Variants in SLC2A13 observed in about 807,000 individuals in gnomAD.
The protein encoded by SLC2A13 is proton myo-inositol cotransporter.
In SLC2A13, 32 loss-of-function variants were observed where a neutral mutation model predicts 64.4. The observed-to-expected ratio is 0.50, with a 90% confidence interval of 0.37 to 0.67. The LOEUF (loss-of-function observed/expected upper bound fraction) is 0.67, where lower values mean the gene tolerates loss of function less well. Ranked by LOEUF, SLC2A13 falls within the 30% of genes least tolerant of loss-of-function variation. SLC2A13 has a pLI of 0.00. For missense variants in SLC2A13, 743 were observed against 829.2 expected (o/e 0.90, Z 1.28); for synonymous variants, 338 against 327.1 (o/e 1.03, Z -0.36).
At chr12:39,987,634 T>C (rs1468944212) in intron 3 of SLC2A13, among the ~76,000 whole-genome samples, 2 of 152,216 alleles carry the variant, frequency 1.3e-5, no homozygotes, top group African/African-American at 4.8e-5. Flanking sequence ...CACTGTTTTT[T>C]CTTAAAACCA....
At position 39,929,465 on chromosome 12, in the gene SLC2A13, C is replaced by A. The variant is rs545570302; in HGVS notation, c.1034+21792G>T. Among the ~76,000 whole-genome samples the A allele has an allele frequency of 6.5e-4, 99 of 151,612 alleles. 1 individual carries two copies. Among genetic ancestry groups the A allele is most frequent in the African/African-American group, 1.7e-3 (72 of 41,330 alleles). ...ACTCAGGAGGCTGAGGCAGGAGAAT[C>A]GCTTGAACCCGGGAGGCAGAGGTTG... On this transcript the variant is annotated intron_variant, in intron 4 of 9. Coordinates refer to ENST00000280871, the MANE Select transcript of SLC2A13 (RefSeq NM_052885.4).
chr12:39,758,085 A>G lies in SLC2A13; in HGVS notation c.*1941T>C, dbSNP rs1940015630. On this transcript the variant is annotated 3_prime_UTR_variant, in exon 10 of 10. Coordinates refer to ENST00000280871, the MANE Select transcript of SLC2A13 (RefSeq NM_052885.4). ...GAATAATAATTTTCCCTATTAAATC[A>G]TATCTGCTTTTCTGAGGAAAAAATC... The G allele has an allele frequency of 1.3e-5, 2 of 151,608 alleles. No homozygotes were observed. Among genetic ancestry groups the G allele is most frequent in the South Asian group, 4.1e-4 (2 of 4,830 alleles). The allele number at this position is 151,608 out of a possible 1,614,324, so 9.4% of individuals were successfully genotyped here.
At chr12:40,050,451 A>G (rs1002730351) in intron 1 of SLC2A13, among the ~76,000 whole-genome samples, 2 of 152,208 alleles carry the variant, frequency 1.3e-5, no homozygotes, top group Non-Finnish European at 2.9e-5. Context: ...AGTAATACGT[A>G]CTGACAAAGG....
chr12:40,011,364 T>C (rs1169782119), intron 3 of SLC2A13, among the ~76,000 whole-genome samples: 3 of 152,196 alleles, frequency 2.0e-5, no homozygotes, highest in Non-Finnish European at 4.4e-5. Context: ...TCCTCCTGAC[T>C]GAGAACAAGT....
intron 1 of SLC2A13, among the ~76,000 whole-genome samples, chr12:40,049,353 C>T (rs191094273): frequency 2.0e-4 from 31 of 152,020 alleles, no homozygotes; most frequent in Admixed American, 1.4e-3. Context: ...TGCTTTTTAA[C>T]GAATTTATGA....
At chr12:39,809,759 T>C (rs1400159931) in intron 7 of SLC2A13, among the ~76,000 whole-genome samples, 1 of 152,186 alleles carries the variant, frequency 6.6e-6, no homozygotes, top group Non-Finnish European at 1.5e-5. Flanking sequence ...ATGCGGTGTT[T>C]GGTTTTTTTG....
At chr12:39,922,720 T>C (rs1297386932) in intron 4 of SLC2A13, among the ~76,000 whole-genome samples, 1 of 152,220 alleles carries the variant, frequency 6.6e-6, no homozygotes, top group Non-Finnish European at 1.5e-5. Flanking sequence ...GCCTATTGCA[T>C]TTTACATTGC....
At chr12:39,785,997 G>A (rs962610839) in intron 7 of SLC2A13, among the ~76,000 whole-genome samples, 8 of 152,164 alleles carry the variant, frequency 5.3e-5, no homozygotes, top group South Asian at 2.1e-4. Flanking sequence ...GACTTGCCTC[G>A]TCTCAGATGA....
intron 4 of SLC2A13, among the ~76,000 whole-genome samples, chr12:39,912,138 A>G (rs1945442750): frequency 6.6e-6 from 1 of 151,818 alleles, no homozygotes; most frequent in Non-Finnish European, 1.5e-5. Context: ...TAGGAATTCA[A>G]TAGATATAAT....
At position 39,905,829 on chromosome 12, in the gene SLC2A13, A is replaced by AAAAC. The variant is rs1325093445; in HGVS notation, c.1035-33869_1035-33868insGTTT. Among the ~76,000 whole-genome samples, 100 of 151,700 alleles carry AAAAC rather than the reference A, an allele frequency of 6.6e-4. 2 individuals are homozygous for AAAAC. In the East Asian group the frequency reaches 0.014, roughly 21 times the overall value. On this transcript the variant is annotated intron_variant, in intron 4 of 9. Coordinates refer to ENST00000280871, the MANE Select transcript of SLC2A13 (RefSeq NM_052885.4). ...CCTTTATTAAAATGCCCAGAAAAAA[A>AAAAC]AAAAAACTACACTTCTATGGATAAC... is the stretch of plus-strand genomic sequence containing the variant.
rs368673302 is a variant in SLC2A13 at position 39,915,611 on chromosome 12, A to G, written c.1034+35646T>C. Reference sequence around the variant, plus strand: ...AGTAAAAGACTTGACATTTATTGTCATTGTTCACTGGAAACTTAAAAATAG... The same window carrying G: ...AGTAAAAGACTTGACATTTATTGTCGTTGTTCACTGGAAACTTAAAAATAG... On this transcript the variant is annotated intron_variant, in intron 4 of 9. Coordinates refer to ENST00000280871, the MANE Select transcript of SLC2A13 (RefSeq NM_052885.4). Among the ~76,000 whole-genome samples, 8 of 152,134 alleles carry G rather than the reference A, an allele frequency of 5.3e-5. No homozygotes were observed. In the East Asian group the frequency reaches 9.6e-4, roughly 18 times the overall value.
intron 7 of SLC2A13, among the ~76,000 whole-genome samples, chr12:39,766,466 G>A (rs2135716238): frequency 6.6e-6 from 1 of 152,142 alleles, no homozygotes; most frequent in Non-Finnish European, 1.5e-5. Context: ...TTTGGTGGAG[G>A]GTCTTGCCTC....
intron 1 of SLC2A13, among the ~76,000 whole-genome samples, chr12:40,082,117 G>A (rs1361817904): frequency 1.3e-5 from 2 of 152,174 alleles, no homozygotes; most frequent in Admixed American, 1.3e-4. Flanking sequence ...CAGCAAAAGG[G>A]CTTCGGCAAG....
At chr12:39,876,952 T>C (rs987110550) in intron 4 of SLC2A13, among the ~76,000 whole-genome samples, 2 of 152,174 alleles carry the variant, frequency 1.3e-5, no homozygotes, top group African/African-American at 4.8e-5. Flanking sequence ...CTTAAAGATT[T>C]CCATTATCTA....
intron 3 of SLC2A13, among the ~76,000 whole-genome samples, chr12:39,978,793 T>C (rs933385623): frequency 6.6e-6 from 1 of 151,962 alleles, no homozygotes; most frequent in African/African-American, 2.4e-5. Context: ...CAAAGCAGCC[T>C]GGAAGCTCGA....
intron 1 of SLC2A13, among the ~76,000 whole-genome samples, chr12:40,088,179 G>A (rs750533071): frequency 3.3e-5 from 5 of 152,008 alleles, no homozygotes; most frequent in Non-Finnish European, 5.9e-5. Flanking sequence ...CTCAAAAGGG[G>A]GACAGGTAAA....
At chr12:39,946,659 A>C (rs1457845993) in intron 4 of SLC2A13, among the ~76,000 whole-genome samples, 1 of 152,154 alleles carries the variant, frequency 6.6e-6, no homozygotes, top group Non-Finnish European at 1.5e-5. Flanking sequence ...TGGCAGTCAC[A>C]GGCCTCACCC....
chr12:40,031,009 T>C (rs1019255226), intron 2 of SLC2A13, among the ~76,000 whole-genome samples: 11 of 152,362 alleles, frequency 7.2e-5, no homozygotes, highest in East Asian at 1.9e-4. Flanking sequence ...TGTATCCTAA[T>C]ACTTCTAAAA....
intron 1 of SLC2A13, among the ~76,000 whole-genome samples, chr12:40,063,144 C>T (rs1372432089): frequency 6.6e-6 from 1 of 152,042 alleles, no homozygotes; most frequent in Non-Finnish European, 1.5e-5. Context: ...CTCATTAATG[C>T]CTCCAATCAA....
Sources: gnomAD v4.1 joint callset for allele counts (sites outside exome capture counted in the v4.1 genomes callset) on GRCh38, gnomAD v4.1.1 for gene constraint, MANE v1.5 for transcripts, NCBI Gene and HGNC (gene_info 2026-07-23, HGNC 2026-07-21) for gene names.